The following PTPRD variants were observed in gnomAD, a reference collection of about 807,000 sequenced individuals.
The protein encoded by PTPRD is receptor-type tyrosine-protein phosphatase delta.
PTPRD carries 34 observed loss-of-function variants against 214.5 expected under a neutral mutation model. The observed-to-expected ratio is 0.16, with a 90% CI of 0.12 to 0.21. The LOEUF (loss-of-function observed/expected upper bound fraction) is 0.21, where lower values mean the gene tolerates loss of function less well. PTPRD is among the 10% of genes least tolerant of loss of function. The pLI is 1.00. For synonymous variants in PTPRD, 1,128 were observed against 845.7 expected, an observed-to-expected ratio of 1.33 and a Z score of -5.79; for missense variants, 2,545 against 2,398.7, an observed-to-expected ratio of 1.06 and a Z score of -1.27.
intron 3 of PTPRD, among the ~76,000 whole-genome samples, chr9:10,116,392 T>C (rs1475551179): frequency 6.6e-6 from 1 of 152,152 alleles, no homozygotes; most frequent in East Asian, 1.9e-4. Context: ...GCCATAGTCA[T>C]ATTCACAGTA....
At chr9:10,053,018 A>C (rs73390252) in intron 3 of PTPRD, among the ~76,000 whole-genome samples, 2,775 of 152,306 alleles carry the variant, frequency 0.018, 82 homozygotes, top group East Asian at 0.095. Flanking sequence ...TAAGATGTGC[A>C]TAATGCATAT....
At chr9:8,806,420 A>G (rs888213034) in intron 11 of PTPRD, among the ~76,000 whole-genome samples, 1 of 152,186 alleles carries the variant, frequency 6.6e-6, no homozygotes, top group African/African-American at 2.4e-5. Flanking sequence ...ACCAATATTC[A>G]TATGTAATGA....
intron 3 of PTPRD, among the ~76,000 whole-genome samples, chr9:10,248,533 A>AAAAAAAAAAAAAAAC (rs60272481): frequency 1.4e-4 from 18 of 127,424 alleles, no homozygotes; most frequent in African/African-American, 3.0e-4. Context: ...AAAATAAAAA[A>AAAAAAAAAAAAAAAC]AATAAAGCGA....
intron 8 of PTPRD, 135 bp from the exon 9 acceptor site, chr9:9,397,617 C>G (rs902370284): frequency 5.3e-5 from 8 of 152,150 alleles, no homozygotes; most frequent in African/African-American, 1.9e-4. Context: ...GATACGTTAT[C>G]TGACCTCAAT....
At chr9:8,394,030 T>C (rs902823380) in intron 36 of PTPRD, among the ~76,000 whole-genome samples, 1 of 152,114 alleles carries the variant, frequency 6.6e-6, no homozygotes, top group African/African-American at 2.4e-5. Context: ...CAACAAGCCA[T>C]AGCAAACAGC....
chr9:9,624,830 G>GAAA (rs58910288), intron 7 of PTPRD, among the ~76,000 whole-genome samples: 36 of 146,580 alleles, frequency 2.5e-4, no homozygotes, highest in African/African-American at 5.8e-4. Flanking sequence ...TAGATGCATT[G>GAAA]AAAAAAAAAA....
At chr9:9,257,895 A>AT (rs2099978413) in intron 9 of PTPRD, among the ~76,000 whole-genome samples, 1 of 152,006 alleles carries the variant, frequency 6.6e-6, no homozygotes, top group Non-Finnish European at 1.5e-5. Flanking sequence ...CCTTTTAAAA[A>AT]ATATAGTGAC....
chr9:8,720,828 G>A (rs992216152), intron 12 of PTPRD, among the ~76,000 whole-genome samples: 1 of 152,112 alleles, frequency 6.6e-6, no homozygotes, highest in East Asian at 1.9e-4. Context: ...GAGGGGCATA[G>A]TAACTACAAT....
rs1234727665 is a variant in PTPRD, at chr9:8,787,884, T to C, written c.-103-53938A>G. Among the ~76,000 whole-genome samples, 5 of 122,908 alleles carry C rather than the reference T, an allele frequency of 4.1e-5. No homozygotes were observed. In the East Asian group the frequency reaches 9.4e-4, roughly 23 times the overall value. 80.6% of individuals were successfully genotyped at this position (122,908 alleles called of 152,430 possible). ...TCTTGCTTACTATAATTTCAACCTC[T>C]AGAAAGGAAGCATTTTGCACCCTAT... On this transcript the variant is annotated intron_variant, in intron 11 of 45. Transcript: ENST00000381196.
chr9:10,319,991 A>C (rs988756270), intron 3 of PTPRD, among the ~76,000 whole-genome samples: 1 of 152,064 alleles, frequency 6.6e-6, no homozygotes, highest in Non-Finnish European at 1.5e-5. Context: ...TTTCTCATGG[A>C]AATTCTAATA....
chr9:9,759,259 A>G (rs1046099163), intron 6 of PTPRD, among the ~76,000 whole-genome samples: 1 of 152,134 alleles, frequency 6.6e-6, no homozygotes, highest in Non-Finnish European at 1.5e-5. Flanking sequence ...TAATGATTAC[A>G]TTGGTTATTA....
chr9:10,508,361 G>T (rs2046793529), intron 2 of PTPRD, among the ~76,000 whole-genome samples: 1 of 152,288 alleles, frequency 6.6e-6, no homozygotes, highest in East Asian at 1.9e-4. Context: ...CTGTAAACTA[G>T]TTCAACCATT....
intron 3 of PTPRD, among the ~76,000 whole-genome samples, chr9:10,208,105 AC>A (rs1219586157): frequency 6.6e-6 from 1 of 152,234 alleles, no homozygotes; most frequent in African/African-American, 2.4e-5. Context: ...AGTAACAACA[AC>A]AAAACCTATG....
At chr9:9,741,571 C>A (rs1370239525) in intron 6 of PTPRD, among the ~76,000 whole-genome samples, 1 of 152,110 alleles carries the variant, frequency 6.6e-6, no homozygotes. Context: ...CCATCATCTA[C>A]ATTAGGTATT....
At chr9:9,809,061 C>T (rs2046328185) in intron 5 of PTPRD, among the ~76,000 whole-genome samples, 1 of 151,690 alleles carries the variant, frequency 6.6e-6, no homozygotes, top group Non-Finnish European at 1.5e-5. Context: ...CCTAGGATTA[C>T]AGGCAGAAGC....
chr9:8,317,269 A>ACTT lies in PTPRD; in HGVS notation c.*602_*604dup. 4.3e-6 allele frequency: 1 copy of ACTT among 232,418 alleles called. No homozygotes were observed. Among genetic ancestry groups the ACTT allele is most frequent in the Non-Finnish European group, 8.5e-6 (1 of 117,240 alleles). The allele number at this position is 232,418 out of a possible 1,614,324, so 14.4% of individuals were successfully genotyped here. A position where few individuals can be genotyped will look rare whatever the true frequency, so the allele number is the denominator to read the frequency against. ...AAATAAAAAAATGAAGAGTTATGTAACTTTTTTAAAATTCACTTTATCGAA... is the reference window on the plus strand; with the variant it reads ...AAATAAAAAAATGAAGAGTTATGTAACTTCTTTTTTAAAATTCACTTTATCGAA... On this transcript the variant is annotated 3_prime_UTR_variant, in exon 46 of 46. Coordinates refer to ENST00000381196, the MANE Select transcript of PTPRD (RefSeq NM_002839.4).
At chr9:8,999,368 G>C (rs1174579872) in intron 11 of PTPRD, among the ~76,000 whole-genome samples, 3 of 152,062 alleles carry the variant, frequency 2.0e-5, no homozygotes, top group Admixed American at 2.0e-4. Context: ...CATAAGCATG[G>C]AGGAACAACC....
intron 9 of PTPRD, among the ~76,000 whole-genome samples, chr9:9,286,065 A>G (rs143604661): frequency 3.7e-3 from 563 of 151,880 alleles, no homozygotes; most frequent in African/African-American, 0.013. Flanking sequence ...ATCCTAAAAA[A>G]TGTTGTTAGT....
intron 22 of PTPRD, among the ~76,000 whole-genome samples, chr9:8,506,563 A>G (rs2097546602): frequency 6.6e-6 from 1 of 152,158 alleles, no homozygotes; most frequent in Non-Finnish European, 1.5e-5. Context: ...ACTTTGAGCA[A>G]ATTATTTAAC....
Sources: gnomAD v4.1 joint callset for allele counts (sites outside exome capture counted in the v4.1 genomes callset) on GRCh38, gnomAD v4.1.1 for gene constraint, MANE v1.5 for transcripts, NCBI Gene and HGNC (gene_info 2026-07-23, HGNC 2026-07-21) for gene names.